PLD1: variants seen among roughly 807,000 people sequenced by gnomAD.
PLD1 encodes phospholipase D1.
In PLD1, 112 loss-of-function variants were observed where a neutral mutation model predicts 137.1. The ratio of observed to expected loss-of-function variants is 0.82; its 90% CI spans 0.70 to 0.96. PLD1 has a LOEUF of 0.96. Among genes scored for constraint, PLD1 ranks in the 40% least tolerant of loss-of-function variants. The pLI, the probability that PLD1 is intolerant of heterozygous loss-of-function variation, is 0.00. For synonymous variants in PLD1, 431 were observed against 454.7 expected, an observed-to-expected ratio of 0.95 and a Z score of 0.66; for missense variants, 1,321 against 1,342.0, an observed-to-expected ratio of 0.98 and a Z score of 0.24.
intron 21 of PLD1, chr3:171,653,672 C>A (rs970610216): frequency 7.3e-6 from 1 of 136,454 alleles, no homozygotes; most frequent in Non-Finnish European, 1.7e-5. Context: ...TTTGAAACAG[C>A]TGATTTGAAT....
intron 1 of PLD1, among the ~76,000 whole-genome samples, chr3:171,804,723 C>T (rs1340827369): frequency 6.6e-6 from 1 of 152,240 alleles, no homozygotes; most frequent in Non-Finnish European, 1.5e-5. Flanking sequence ...ATCTTATTGT[C>T]CACATGCTTT....
At chr3:171,734,770 GTT>G (rs1209090268) in intron 5 of PLD1, 93 bp downstream of exon 5, 8 of 729,776 alleles carry the variant, frequency 1.1e-5, no homozygotes, top group Non-Finnish European at 1.9e-5. Flanking sequence ...GATGAGAGGA[GTT>G]GTAGCCAGGC....
intron 1 of PLD1, among the ~76,000 whole-genome samples, chr3:171,808,080 G>A (rs1003035888): frequency 6.6e-6 from 1 of 152,212 alleles, no homozygotes; most frequent in Admixed American, 6.5e-5. Context: ...CTAGACGTGG[G>A]AGGGAGGAAG....
intron 1 of PLD1, among the ~76,000 whole-genome samples, chr3:171,803,540 C>A (rs6764557): frequency 5.7e-4 from 87 of 152,256 alleles, no homozygotes; most frequent in African/African-American, 2.0e-3. Flanking sequence ...TCAAGACCAG[C>A]CTGACCAACA....
intron 18 of PLD1, among the ~76,000 whole-genome samples, chr3:171,675,284 G>A (rs1713236375): frequency 6.6e-6 from 1 of 152,070 alleles, no homozygotes; most frequent in Admixed American, 6.5e-5. Flanking sequence ...AATATAGTGG[G>A]ATATCATTAT....
intron 1 of PLD1, among the ~76,000 whole-genome samples, chr3:171,801,122 T>C (rs561073157): frequency 2.8e-4 from 43 of 152,210 alleles, no homozygotes; most frequent in Non-Finnish European, 3.8e-4. Context: ...CACAATTCAG[T>C]CCTGCCTTTG....
intron 10 of PLD1, 36 bp from the exon 11 acceptor site, chr3:171,708,874 A>AAAAAG (rs1373322207): frequency 1.5e-6 from 2 of 1,321,770 alleles, no homozygotes; most frequent in Non-Finnish European, 2.2e-6. Flanking sequence ...TTTGTTATTA[A>AAAAAG]AAAAGAAAAG....
intron 1 of PLD1, among the ~76,000 whole-genome samples, chr3:171,773,357 G>C (rs1722470273): frequency 6.6e-6 from 1 of 152,178 alleles, no homozygotes; most frequent in African/African-American, 2.4e-5. Context: ...ACGTTGGGAG[G>C]CCGAGGCGGG....
intron 23 of PLD1, among the ~76,000 whole-genome samples, chr3:171,624,136 T>C (rs555591957): frequency 1.3e-5 from 2 of 151,796 alleles, no homozygotes; most frequent in African/African-American, 4.8e-5. Context: ...ATGTCACAGA[T>C]AAAGAGGTGA....
chr3:171,713,682 A>G (rs181468624), intron 9 of PLD1, among the ~76,000 whole-genome samples: 2 of 152,338 alleles, frequency 1.3e-5, no homozygotes, highest in East Asian at 1.9e-4. Context: ...GCAAACATCT[A>G]CATATGGGAT....
At chr3:171,751,331 C>T (rs1260009831) in intron 1 of PLD1, among the ~76,000 whole-genome samples, 2 of 152,102 alleles carry the variant, frequency 1.3e-5, no homozygotes, top group East Asian at 1.9e-4. Context: ...AATTCAACTA[C>T]TCTAAAGTTT....
At chr3:171,765,001 A>C (rs1226257708) in intron 1 of PLD1, 2 of 144,872 alleles carry the variant, frequency 1.4e-5, no homozygotes, top group African/African-American at 5.1e-5. Flanking sequence ...AAAGAAAGAA[A>C]GAAAGAGAAA....
chr3:171,785,684 G>T (rs562198436), intron 1 of PLD1, among the ~76,000 whole-genome samples: 1 of 152,122 alleles, frequency 6.6e-6, no homozygotes, highest in African/African-American at 2.4e-5. Context: ...TGATCTGCCC[G>T]CCTTGGCCTC....
At chr3:171,744,628 A>G (rs1720016931) in intron 1 of PLD1, among the ~76,000 whole-genome samples, 2 of 152,366 alleles carry the variant, frequency 1.3e-5, no homozygotes. Context: ...CTGTGCCCAC[A>G]GAATAGAAGT....
chr3:171,621,183 G>A (rs1356642886), intron 23 of PLD1, among the ~76,000 whole-genome samples: 2 of 152,116 alleles, frequency 1.3e-5, no homozygotes, highest in Admixed American at 1.3e-4. Context: ...AGCAGCACCA[G>A]GTTTGTACTT....
chr3:171,621,751 T>G (rs1254656743), intron 23 of PLD1, among the ~76,000 whole-genome samples: 1 of 152,204 alleles, frequency 6.6e-6, no homozygotes, highest in East Asian at 1.9e-4. Context: ...TTTTGCAATT[T>G]ATTCCCCCAT....
chr3:171,701,419 T>C (rs12632647), intron 11 of PLD1, among the ~76,000 whole-genome samples: 34,783 of 152,212 alleles, frequency 0.23, 4,268 homozygotes, highest in Admixed American at 0.3. Flanking sequence ...ACAACATATA[T>C]ACAATTGCAA....
intron 19 of PLD1, among the ~76,000 whole-genome samples, chr3:171,662,428 C>T (rs1301592574): frequency 1.3e-5 from 2 of 152,146 alleles, no homozygotes; most frequent in Non-Finnish European, 2.9e-5. Flanking sequence ...TACCCTCTTT[C>T]ATCCAGGATT....
chr3:171,798,840 A>G (rs1560308949), intron 1 of PLD1, among the ~76,000 whole-genome samples: 1 of 152,154 alleles, frequency 6.6e-6, no homozygotes, highest in South Asian at 2.1e-4. Context: ...CTTGGCCATT[A>G]GAGAGTCAGC....
Sources: allele counts gnomAD v4.1 joint callset (sites outside exome capture counted in the v4.1 genomes callset), GRCh38; gene constraint gnomAD v4.1.1; transcripts MANE v1.5; gene names NCBI Gene and HGNC (gene_info 2026-07-23, HGNC 2026-07-21).